The following MAGI2 variants were observed in gnomAD, a reference collection of about 807,000 sequenced individuals.
The protein encoded by MAGI2 is membrane-associated guanylate kinase, WW and PDZ domain-containing protein 2.
A neutral mutation model predicts 133.3 loss-of-function variants in MAGI2; 35 were observed. The observed-to-expected ratio is 0.26, with a 90% CI of 0.20 to 0.35. The LOEUF is 0.35. Ranked by LOEUF, MAGI2 falls within the 10% of genes least tolerant of loss-of-function variation. The pLI is 1.00. For missense variants in MAGI2, 1,636 were observed against 1,863.4 expected (o/e 0.88, Z 2.25); for synonymous variants, 729 against 710.6 (o/e 1.03, Z -0.41).
intron 1 of MAGI2, among the ~76,000 whole-genome samples, chr7:79,354,647 C>T (rs188991619): frequency 1.8e-4 from 28 of 152,172 alleles, no homozygotes; most frequent in African/African-American, 6.3e-4. Context: ...GTGCCCTGGT[C>T]CCCAAAGAAA....
chr7:78,213,856 G>T (rs1390296208), intron 10 of MAGI2, among the ~76,000 whole-genome samples: 1 of 152,122 alleles, frequency 6.6e-6, no homozygotes, highest in African/African-American at 2.4e-5. Flanking sequence ...TTTAATCTAA[G>T]GTTTTCCTTC....
intron 2 of MAGI2, among the ~76,000 whole-genome samples, chr7:78,690,439 G>A (rs990988085): frequency 2.6e-5 from 4 of 152,106 alleles, no homozygotes; most frequent in Admixed American, 6.6e-5. Context: ...GCATTAAGAA[G>A]CAAAAATATT....
chr7:78,505,676 T>C (rs938138183), intron 4 of MAGI2, among the ~76,000 whole-genome samples: 2 of 152,230 alleles, frequency 1.3e-5, no homozygotes, highest in African/African-American at 4.8e-5. Context: ...GAACAAGAGA[T>C]ACATTGATCC....
chr7:79,321,549 T>A (rs778776522), intron 1 of MAGI2, among the ~76,000 whole-genome samples: 4 of 152,234 alleles, frequency 2.6e-5, no homozygotes, highest in Non-Finnish European at 4.4e-5. Flanking sequence ...AGTGCTTCCA[T>A]AACAGAACAC....
chr7:78,465,609 T>C (rs1460268228), intron 6 of MAGI2, among the ~76,000 whole-genome samples: 1 of 152,174 alleles, frequency 6.6e-6, no homozygotes. Context: ...AATCTGAGGT[T>C]TCTTCCAGAC....
chr7:78,132,503 A>G (rs375362705), intron 18 of MAGI2, among the ~76,000 whole-genome samples: 1 of 152,274 alleles, frequency 6.6e-6, no homozygotes, highest in African/African-American at 2.4e-5. Context: ...ATCTCACATC[A>G]TACTCTTCTC....
At chr7:79,104,479 A>T (rs545908309) in intron 1 of MAGI2, among the ~76,000 whole-genome samples, 1 of 152,166 alleles carries the variant, frequency 6.6e-6, no homozygotes, top group South Asian at 2.1e-4. Flanking sequence ...CCATCCTAGC[A>T]AACATGGTAA....
At chr7:78,608,267 C>T (rs1271670420) in intron 3 of MAGI2, among the ~76,000 whole-genome samples, 2 of 152,080 alleles carry the variant, frequency 1.3e-5, no homozygotes, top group Non-Finnish European at 2.9e-5. Flanking sequence ...ATCCTCTTCA[C>T]AAACCCTTTC....
chr7:78,759,196 A>T (rs1824246254), intron 2 of MAGI2, among the ~76,000 whole-genome samples: 1 of 152,150 alleles, frequency 6.6e-6, no homozygotes, highest in East Asian at 1.9e-4. Context: ...TAAGTAATCA[A>T]GTCTACCAGA....
At chr7:78,895,757 T>C (rs920509404) in intron 2 of MAGI2, among the ~76,000 whole-genome samples, 5 of 152,222 alleles carry the variant, frequency 3.3e-5, no homozygotes, top group Non-Finnish European at 7.3e-5. Context: ...TCGATTCACT[T>C]GGTTTCATTA....
At chr7:79,322,626 A>G (rs1839275576) in intron 1 of MAGI2, among the ~76,000 whole-genome samples, 2 of 152,034 alleles carry the variant, frequency 1.3e-5, no homozygotes, top group African/African-American at 4.8e-5. Flanking sequence ...CTCTACTAAA[A>G]ATACAAAAAT....
At chr7:79,156,635 C>T (rs995535519) in intron 1 of MAGI2, among the ~76,000 whole-genome samples, 1 of 152,042 alleles carries the variant, frequency 6.6e-6, no homozygotes, top group African/African-American at 2.4e-5. Context: ...CTTTCTGGAC[C>T]AAATATGTAT....
intron 3 of MAGI2, among the ~76,000 whole-genome samples, chr7:78,586,436 C>A (rs544156149): frequency 6.6e-6 from 1 of 151,084 alleles, no homozygotes; most frequent in Non-Finnish European, 1.5e-5. Flanking sequence ...CTATGATTAA[C>A]ATTTTATATA....
At chr7:79,142,299 T>C (rs1822211570) in intron 1 of MAGI2, among the ~76,000 whole-genome samples, 1 of 152,206 alleles carries the variant, frequency 6.6e-6, no homozygotes, top group Non-Finnish European at 1.5e-5. Context: ...CAATATCCCC[T>C]CTAATTAAAG....
At chr7:78,946,412 T>C (rs1801422123) in intron 2 of MAGI2, among the ~76,000 whole-genome samples, 1 of 152,210 alleles carries the variant, frequency 6.6e-6, no homozygotes, top group Admixed American at 6.5e-5. Flanking sequence ...TATTGGTATA[T>C]TGCAAAGAAG....
chr7:78,160,637 G>T (rs1200271511), intron 15 of MAGI2, among the ~76,000 whole-genome samples: 1 of 152,176 alleles, frequency 6.6e-6, no homozygotes, highest in Non-Finnish European at 1.5e-5. Flanking sequence ...CACAAAACAA[G>T]TAGAATCTTA....
chr7:78,463,142 T>C (rs1434695224), intron 6 of MAGI2, among the ~76,000 whole-genome samples: 3 of 152,192 alleles, frequency 2.0e-5, no homozygotes, highest in South Asian at 4.1e-4. Flanking sequence ...GTGCCTGTGG[T>C]GTGCTCTGAA....
At chr7:79,125,718 C>T in intron 1 of MAGI2, 3 of 526,446 alleles carry the variant, frequency 5.7e-6, no homozygotes, top group South Asian at 4.2e-5. Flanking sequence ...AAGCTCTGGC[C>T]CCTATGATGG....
intron 1 of MAGI2, among the ~76,000 whole-genome samples, chr7:79,321,449 C>T (rs569543082): frequency 4.8e-4 from 54 of 113,472 alleles, no homozygotes; most frequent in African/African-American, 1.5e-3. Context: ...CTTGCTGATT[C>T]CCTCAAGTAG....
Sources: allele counts gnomAD v4.1 joint callset (sites outside exome capture counted in the v4.1 genomes callset), GRCh38; gene constraint gnomAD v4.1.1; transcripts MANE v1.5; gene names NCBI Gene and HGNC (gene_info 2026-07-23, HGNC 2026-07-21).